STIM1: variants seen among roughly 807,000 people sequenced by gnomAD.
STIM1 encodes stromal interaction molecule 1.
STIM1 carries 25 observed loss-of-function variants against 74.7 expected under a neutral mutation model. That is an observed-to-expected ratio of 0.33 (90% CI 0.24 to 0.47). The LOEUF (loss-of-function observed/expected upper bound fraction) is 0.47, where lower values mean the gene tolerates loss of function less well. STIM1 is among the 20% of genes least tolerant of loss of function. The pLI is 1.00. For missense variants in STIM1, 728 were observed against 920.8 expected, an observed-to-expected ratio of 0.79 and a Z score of 2.71; for synonymous variants, 328 against 348.8, an observed-to-expected ratio of 0.94 and a Z score of 0.66.
chr11:3,924,043 T>C lies in STIM1; in HGVS notation c.140-43509T>C, dbSNP rs569803496. Among the ~76,000 whole-genome samples the C allele has an allele frequency of 1.1e-4, 17 of 152,152 alleles. No homozygotes were observed. In the East Asian group the frequency reaches 3.3e-3, roughly 29 times the overall value. ...TTAAATTAGAGTCAGGGTCTCACTA[T>C]GTTGCCCAGGCTGGTCTTGAACTTC... On this transcript the variant is annotated intron_variant, in intron 1 of 12. Transcript: ENST00000526596.
At chr11:3,857,395 C>T (rs2090428198) in intron 1 of STIM1, among the ~76,000 whole-genome samples, 1 of 151,846 alleles carries the variant, frequency 6.6e-6, no homozygotes, top group Non-Finnish European at 1.5e-5. Context: ...GGACTAAACA[C>T]AAGAGCCACT....
intron 2 of STIM1, among the ~76,000 whole-genome samples, chr11:4,018,116 A>G (rs1437250796): frequency 6.6e-6 from 1 of 151,958 alleles, no homozygotes; most frequent in Non-Finnish European, 1.5e-5. Flanking sequence ...GGAGTTCAAG[A>G]CCAGCCTGAC....
Position 3,856,246 on chromosome 11 carries a change from C to T in STIM1, c.-25C>T, listed in dbSNP as rs2090363307. 1 of 1,613,890 alleles carries T rather than the reference C, an allele frequency of 6.2e-7. No homozygotes were observed. The highest frequency in any genetic ancestry group is 8.5e-7 in the Non-Finnish European group (1 of 1,180,008). On this transcript the variant is annotated 5_prime_UTR_variant, in exon 1 of 13. In the 5' UTR this introduces an upstream ATG that the reference lacks. Coordinates refer to ENST00000526596, the MANE Select transcript of STIM1 (RefSeq NM_001382567.1). ...GGGATCCCGAGGTGTCCACATCAGA[C>T]GCATGTTGACTGAGACCTAGAGTCA...
Position 4,055,472 on chromosome 11 carries a change from T to C in STIM1, c.386-54T>C, listed in dbSNP as rs2094281014. The C allele has an allele frequency of 2.1e-5, 29 of 1,361,242 alleles. No individual in the cohort carries two copies. The South Asian group carries it at 3.6e-4, about 17-fold the overall frequency. The allele number at this position is 1,361,242 out of a possible 1,614,324, so 84.3% of individuals were successfully genotyped here. A position where few individuals can be genotyped will look rare whatever the true frequency, so the allele number is the denominator to read the frequency against. ...ATATTAAGGTCAGCATGACAACAAA[T>C]GAAAGCAGTGCTTGGCATTCTAGAG... On this transcript the variant is annotated intron_variant, in intron 3 of 12. Coordinates refer to ENST00000526596, the MANE Select transcript of STIM1 (RefSeq NM_001382567.1).
chr11:3,905,680 A>G (rs2092454415), intron 1 of STIM1, among the ~76,000 whole-genome samples: 1 of 152,220 alleles, frequency 6.6e-6, no homozygotes, highest in Non-Finnish European at 1.5e-5. Flanking sequence ...AGAAGTGAGT[A>G]TTGTCCCTAT....
chr11:4,020,264 G>A (rs776635421), intron 2 of STIM1, among the ~76,000 whole-genome samples: 2 of 152,144 alleles, frequency 1.3e-5, no homozygotes, highest in Non-Finnish European at 2.9e-5. Flanking sequence ...AAACATGGAA[G>A]TGAAGATGTC....
At chr11:3,884,681 A>G (rs999765675) in intron 1 of STIM1, among the ~76,000 whole-genome samples, 2 of 152,070 alleles carry the variant, frequency 1.3e-5, no homozygotes, top group African/African-American at 2.4e-5. Flanking sequence ...CCAAGGGAGT[A>G]ATAATTAGCA....
intron 1 of STIM1, among the ~76,000 whole-genome samples, chr11:3,949,173 G>T (rs1433188899): frequency 2.0e-5 from 3 of 152,108 alleles, no homozygotes; most frequent in Non-Finnish European, 4.4e-5. Flanking sequence ...AAACCCCGGG[G>T]GTCAGTATAG....
chr11:4,030,260 T>G (rs1431969756), intron 3 of STIM1, among the ~76,000 whole-genome samples: 1 of 149,068 alleles, frequency 6.7e-6, no homozygotes, highest in Non-Finnish European at 1.5e-5. Flanking sequence ...ACCCAGGGTA[T>G]GGAGGTTGCA....
rs1156476090 is a variant in STIM1 at position 4,073,058 on chromosome 11, T to TTTG, written c.792-1442_792-1441insGTT. On this transcript the variant is annotated intron_variant, in intron 6 of 12. Transcript: ENST00000526596. ...GCTCTGGACTTAGAGGTTTTTTTTT[T>TTTG]TTTTTTTTTTTTACAGATTGAGTTC... Among the ~76,000 whole-genome samples, 7 of 149,744 alleles carry TTTG rather than the reference T, an allele frequency of 4.7e-5. No homozygotes were observed. The East Asian group carries it at 5.9e-4, about 13-fold the overall frequency.
intron 1 of STIM1, among the ~76,000 whole-genome samples, chr11:3,899,984 T>C (rs1423429448): frequency 6.6e-6 from 1 of 152,252 alleles, no homozygotes; most frequent in Admixed American, 6.5e-5. Context: ...TTCTCTTTTT[T>C]GGTTGTGTCT....
At chr11:4,015,819 T>G (rs1338525852) in intron 2 of STIM1, among the ~76,000 whole-genome samples, 1 of 152,242 alleles carries the variant, frequency 6.6e-6, no homozygotes, top group African/African-American at 2.4e-5. Flanking sequence ...TATCTTTTTT[T>G]CCGCTTGATC....
chr11:3,910,583 T>C (rs2092545421), intron 1 of STIM1, among the ~76,000 whole-genome samples: 1 of 152,044 alleles, frequency 6.6e-6, no homozygotes, highest in African/African-American at 2.4e-5. Flanking sequence ...AATTTAGAAC[T>C]AAAAACCTCT....
At chr11:4,051,844 T>G (rs2094245030) in intron 3 of STIM1, among the ~76,000 whole-genome samples, 2 of 152,186 alleles carry the variant, frequency 1.3e-5, no homozygotes, top group Non-Finnish European at 1.5e-5. Flanking sequence ...CATGATTGTA[T>G]GTTTAGAAAA....
intron 1 of STIM1, among the ~76,000 whole-genome samples, chr11:3,905,071 A>C (rs529966656): frequency 6.6e-6 from 1 of 152,258 alleles, no homozygotes; most frequent in East Asian, 1.9e-4. Context: ...TCAGAGAGGC[A>C]AGAGAAAGTA....
chr11:3,905,646 T>C (rs565410050), intron 1 of STIM1, among the ~76,000 whole-genome samples: 90 of 152,296 alleles, frequency 5.9e-4, no homozygotes, highest in African/African-American at 2.0e-3. Flanking sequence ...ATTAGACACA[T>C]CTCTGATGCT....
rs1014092585 is a variant in STIM1, at chr11:4,084,730, C to G, written c.1532C>G (p.Ala511Gly). 1.2e-5 allele frequency: 15 copies of G among 1,289,410 alleles called. No homozygotes were observed. The highest frequency in any genetic ancestry group is 1.5e-5 in the Non-Finnish European group (15 of 988,874). The allele number at this position is 1,289,410 out of a possible 1,614,324, so 79.9% of individuals were successfully genotyped here. ...GACCGCTCTCTCTGCTCTACATCCG[C>G]CGGCTCGGATGATCAGTCCCTCTGG... Reference protein sequence around the residue: ...FSDRSLCSTSAGSDDQSLWKY... With the variant: ...FSDRSLCSTSGGSDDQSLWKY... The change falls in exon 11 of 13, where the codon GCC (alanine) becomes GGC (glycine). Residue 511 changes from alanine (A) to glycine (G), a missense_variant. By Grantham distance (60) the Ala-to-Gly change is moderately conservative (BLOSUM62 0). Around this residue, in one of 5 missense-constraint regions of STIM1, gnomAD observed 352 missense variants for 370.1 expected, o/e 0.95. Coordinates refer to ENST00000526596, the MANE Select transcript of STIM1 (RefSeq NM_001382567.1).
intron 2 of STIM1, among the ~76,000 whole-genome samples, chr11:3,978,088 C>T (rs1281799035): frequency 6.6e-6 from 1 of 151,572 alleles, no homozygotes; most frequent in Non-Finnish European, 1.5e-5. Flanking sequence ...CAGGATCACA[C>T]ATTTATAGGG....
rs2092058190 is a variant in STIM1, at chr11:3,895,650, CTTT to C, written c.139+39242_139+39244del. On this transcript the variant is annotated intron_variant, in intron 1 of 12. Transcript: ENST00000526596. ...TCTTTCTTTCTTTCTTTCTTTCTTT[CTTT>C]CTTTCTTTCTTTCTTTCTTTCCTTC... Among the ~76,000 whole-genome samples, 4 of 11,836 alleles carry C rather than the reference CTTT, an allele frequency of 3.4e-4. 1 individual carries two copies. In the Admixed American group the frequency reaches 3.6e-3, roughly 11 times the overall value. 7.8% of individuals were successfully genotyped at this position (11,836 alleles called of 152,430 possible).
Sources: allele counts gnomAD v4.1 joint callset (sites outside exome capture counted in the v4.1 genomes callset), GRCh38; gene constraint gnomAD v4.1.1; regional missense constraint gnomAD v4.1.1; transcripts MANE v1.5; gene names NCBI Gene and HGNC (gene_info 2026-07-23, HGNC 2026-07-21).